CYP1A2: variants seen among roughly 807,000 people sequenced by gnomAD.
CYP1A2 encodes the protein cytochrome P450 1A2.
A neutral mutation model predicts 34.7 loss-of-function variants in CYP1A2; 35 were observed. The ratio of observed to expected loss-of-function variants is 1.01; its 90% CI spans 0.77 to 1.34. The LOEUF (loss-of-function observed/expected upper bound fraction) is 1.34, where lower values mean the gene tolerates loss of function less well. Among genes scored for constraint, CYP1A2 ranks in the 40% most tolerant of loss-of-function variants. The pLI is 0.00. For missense variants in CYP1A2, 675 were observed against 675.8 expected, an observed-to-expected ratio of 1.00 and a Z score of 0.01; for synonymous variants, 288 against 281.9, an observed-to-expected ratio of 1.02 and a Z score of -0.22.
chr15:74,752,093 C>T (rs1440389014), intron 4 of CYP1A2, 31 bp from the exon 5 acceptor site: 3 of 1,612,954 alleles, frequency 1.9e-6, no homozygotes, highest in Admixed American at 3.3e-5. Flanking sequence ...AGGGCAGCCC[C>T]TGAGCTCTGC....
chr15:74,753,310 A>G (rs1414360916), intron 6 of CYP1A2, 40 bp downstream of exon 6: 1 of 1,540,594 alleles, frequency 6.5e-7, no homozygotes, highest in Non-Finnish European at 9.0e-7. Flanking sequence ...GTGCAGGTTC[A>G]GCAGTCAGGA....
chr15:74,753,332 C>T (rs1314503411), intron 6 of CYP1A2, 62 bp downstream of exon 6: 4 of 1,344,552 alleles, frequency 3.0e-6, no homozygotes, highest in Non-Finnish European at 4.3e-6. Context: ...GGCTGTTTGT[C>T]CCTGCTAGGA....
At chr15:74,749,090 G>T (rs1296817338) in intron 1 of CYP1A2, among the ~76,000 whole-genome samples, 193 bp downstream of exon 1, 1 of 152,206 alleles carries the variant, frequency 6.6e-6, no homozygotes, top group South Asian at 2.1e-4. Context: ...TAAGGAGAGC[G>T]ATGGGGAGGG....
chr15:74,752,976 GAGA>G (rs1290121662), intron 5 of CYP1A2, among the ~76,000 whole-genome samples: 1 of 147,234 alleles, frequency 6.8e-6, no homozygotes, highest in African/African-American at 2.5e-5. Flanking sequence ...CAGGCGCAAA[GAGA>G]AGTTTAGTAA....
At chr15:74,751,498 CCTT>C (rs1159219614) in intron 3 of CYP1A2, among the ~76,000 whole-genome samples, 189 bp downstream of exon 3, 1 of 152,180 alleles carries the variant, frequency 6.6e-6, no homozygotes, top group Non-Finnish European at 1.5e-5. Context: ...ACAGCAAAGT[CCTT>C]CTCCTCCCCT....
intron 3 of CYP1A2, 36 bp downstream of exon 3, chr15:74,751,345 G>A (rs751145178): frequency 1.2e-6 from 2 of 1,611,818 alleles, no homozygotes; most frequent in Admixed American, 1.7e-5. Context: ...ATCCAACAAT[G>A]CCTGCTGTTC....
chr15:74,751,960 C>A, intron 4 of CYP1A2, 106 bp downstream of exon 4: 1 of 1,503,228 alleles, frequency 6.7e-7, no homozygotes, highest in Non-Finnish European at 9.1e-7. Context: ...AAGCCCTGGG[C>A]ACACAGTAGT....
At chr15:74,752,976 G>C (rs541246893) in intron 5 of CYP1A2, among the ~76,000 whole-genome samples, 1 of 147,234 alleles carries the variant, frequency 6.8e-6, no homozygotes, top group East Asian at 2.0e-4. Flanking sequence ...CAGGCGCAAA[G>C]AGAAGTTTAG....
At chr15:74,753,330 G>T in intron 6 of CYP1A2, 60 bp downstream of exon 6, 6 of 1,359,552 alleles carry the variant, frequency 4.4e-6, no homozygotes, top group Non-Finnish European at 6.3e-6. Context: ...AAGGCTGTTT[G>T]TCCCTGCTAG....
In CYP1A2 at chr15:74,756,057, C is replaced by T. The variant is rs2063336708; in HGVS notation, c.*969C>T. 1 of 149,924 alleles carries T rather than the reference C, an allele frequency of 6.7e-6. No homozygotes were observed. Among genetic ancestry groups the T allele is most frequent in the Non-Finnish European group, 1.5e-5 (1 of 67,984 alleles). The allele number at this position is 149,924 out of a possible 1,614,324, so 9.3% of individuals were successfully genotyped here. On this transcript the variant is annotated 3_prime_UTR_variant, in exon 7 of 7. Transcript: ENST00000343932. ...GTCTCCATCTCTTGACCTCGTGATC[C>T]ACCCGCCTCAGCCTCCCAAAGTGCT...
At chr15:74,753,366 G>C in intron 6 of CYP1A2, 96 bp downstream of exon 6, 1 of 959,472 alleles carries the variant, frequency 1.0e-6, no homozygotes. Flanking sequence ...TGAAAGGAGG[G>C]GACCTCAATT....
At chr15:74,753,613 A>C (rs1463155286) in intron 6 of CYP1A2, among the ~76,000 whole-genome samples, 1 of 152,022 alleles carries the variant, frequency 6.6e-6, no homozygotes, top group East Asian at 1.9e-4. Context: ...GTGCGCCTAT[A>C]ATCCCAGCTA....
At chr15:74,751,485 G>A (rs1042677806) in intron 3 of CYP1A2, among the ~76,000 whole-genome samples, 176 bp downstream of exon 3, 7 of 152,214 alleles carry the variant, frequency 4.6e-5, no homozygotes, top group Non-Finnish European at 1.0e-4. Context: ...TCCCAGTGGA[G>A]AAACAGCAAA....
chr15:74,754,776 C>T lies in CYP1A2; in HGVS notation c.1254-15C>T, dbSNP rs764540861. ...CTCCAGCCCTGAGGTCCCATCTCCTCTGTTCCTCTTGCAGAGAGCTGTGGG... is the reference window on the plus strand; with the variant it reads ...CTCCAGCCCTGAGGTCCCATCTCCTTTGTTCCTCTTGCAGAGAGCTGTGGG... On this transcript the variant is annotated splice_polypyrimidine_tract_variant and intron_variant, in intron 6 of 6. Transcript: ENST00000343932. 4.4e-6 allele frequency: 7 copies of T among 1,605,092 alleles called. No homozygotes were observed. Among genetic ancestry groups the T allele is most frequent in the Middle Eastern group, 1.7e-4 (1 of 6,028 alleles).
At chr15:74,752,870 C>CTTTTTTTTTTT (rs4646426) in intron 5 of CYP1A2, among the ~76,000 whole-genome samples, 2 of 96,200 alleles carry the variant, frequency 2.1e-5, no homozygotes, top group Admixed American at 1.3e-4. Flanking sequence ...CTGCCTGCTG[C>CTTTTTTTTTTT]TTTTTTTTTT....
chr15:74,750,263 G>T lies in CYP1A2; in HGVS notation c.525G>T (p.Arg175Ser), dbSNP rs780368294. 4 of 1,614,228 alleles carry T rather than the reference G, an allele frequency of 2.5e-6. No homozygotes were observed. In the South Asian group the frequency reaches 4.4e-5, roughly 18 times the overall value. The change falls in exon 2 of 7, where the codon AGG becomes AGT. Residue 175 changes from arginine to serine, a missense_variant. By Grantham distance (110) the Arg-to-Ser change is moderately radical. Transcript: ENST00000343932. ...AGGAGGCTAAGGCCCTGATCAGCAGGTTGCAGGAGCTGATGGCAGGGCCTG... is the reference window on the plus strand; with the variant it reads ...AGGAGGCTAAGGCCCTGATCAGCAGTTTGCAGGAGCTGATGGCAGGGCCTG... ...VSKEAKALIS[R>S]LQELMAGPGH...
Position 74,749,804 on chromosome 15 carries a change from C to A in CYP1A2, c.66C>A (p.Cys22Ter). 2 of 1,588,150 alleles carry A rather than the reference C, an allele frequency of 1.3e-6. No homozygotes were observed. Among genetic ancestry groups the A allele is most frequent in the Non-Finnish European group, 1.7e-6 (2 of 1,164,192 alleles). The stretch of plus-strand genomic sequence containing the variant: ...TTCTCCTGGCCTCTGCCATCTTCTG[C>A]CTGGTATTCTGGGTGCTCAAGGGTT... Reference protein sequence around the residue: ...TELLLASAIFCLVFWVLKGLR... With the variant: ...TELLLASAIF The change falls in exon 2 of 7, where the codon TGC becomes TGA. Residue 22 changes from cysteine (C) to a stop codon, truncating the protein, a stop_gained. Coordinates refer to ENST00000343932, the MANE Select transcript of CYP1A2 (RefSeq NM_000761.5). LOFTEE classifies it high-confidence loss of function.
Position 74,750,037 on chromosome 15 carries a change from G to A in CYP1A2, c.299G>A (p.Arg100Gln), listed in dbSNP as rs201650099. 67 of 1,613,920 alleles carry A rather than the reference G, an allele frequency of 4.2e-5. No individual in the cohort carries two copies. The highest frequency in any genetic ancestry group is 7.7e-5 in the South Asian group (7 of 91,088). The change falls in exon 2 of 7, where the codon CGG (arginine) becomes CAG (glutamine). Residue 100 changes from arginine (R) to glutamine (Q), a missense_variant. By Grantham distance (43) the Arg-to-Gln change is conservative. Coordinates refer to ENST00000343932, the MANE Select transcript of CYP1A2 (RefSeq NM_000761.5). ...GACACCATCCGGCAGGCCCTGGTGC[G>A]GCAGGGCGACGATTTCAAGGGCCGG... ...RLDTIRQALV[R>Q]QGDDFKGRPD...
chr15:74,753,257 G>C lies in CYP1A2; in HGVS notation c.1240G>C (p.Val414Leu), dbSNP rs376674911. Residue 414 changes from valine (V) to leucine (L), a missense_variant, in exon 6 of 7, where the codon GTC (valine) becomes CTC (leucine). Val to Leu is a conservative substitution (Grantham distance 32, BLOSUM62 1). Coordinates refer to ENST00000343932, the MANE Select transcript of CYP1A2 (RefSeq NM_000761.5). ...CTGTGTCTTCGTAAACCAGTGGCAG[G>C]TCAACCATGACCCGTGAGTACATAC... Reference protein sequence around the residue: ...KCCVFVNQWQVNHDPELWEDP... With the variant: ...KCCVFVNQWQLNHDPELWEDP... 1 of 1,613,726 alleles carries C rather than the reference G, an allele frequency of 6.2e-7. No homozygotes were observed. Among genetic ancestry groups the C allele is most frequent in the Non-Finnish European group, 8.5e-7 (1 of 1,179,844 alleles).
Sources: allele counts gnomAD v4.1 joint callset (sites outside exome capture counted in the v4.1 genomes callset), GRCh38; gene constraint gnomAD v4.1.1; transcripts MANE v1.5; gene names NCBI Gene and HGNC (gene_info 2026-07-23, HGNC 2026-07-21).